MCPH1: variants seen among roughly 807,000 people sequenced by gnomAD.
MCPH1 encodes the protein microcephalin 1.
Under a neutral mutation model 84.5 loss-of-function variants are expected in MCPH1, and 104 were observed. The ratio of observed to expected loss-of-function variants is 1.23; its 90% confidence interval spans 1.05 to 1.45. The LOEUF (loss-of-function observed/expected upper bound fraction) is 1.45, where lower values mean the gene tolerates loss of function less well. Ranked by LOEUF, MCPH1 falls within the 40% of genes most tolerant of loss-of-function variation. The pLI, the probability that MCPH1 is intolerant of heterozygous loss-of-function variation, is 0.00. For missense variants in MCPH1, 1,498 were observed against 1,005.7 expected (o/e 1.49, Z -6.62); for synonymous variants, 514 against 366.8 (o/e 1.40, Z -4.58).
In MCPH1 at chr8:6,406,633, C is replaced by G; in HGVS notation, c.-35C>G. 6.2e-7 allele frequency: 1 copy of G among 1,609,524 alleles called. No individual in the cohort carries two copies. Among genetic ancestry groups the G allele is most frequent in the Non-Finnish European group, 8.5e-7 (1 of 1,178,618 alleles). ...CGCGCGCCGCCAGGCTCGCAAGCAC[C>G]GCGTAGGCCAGCTGGCCGGATCCCG... On this transcript the variant is annotated 5_prime_UTR_variant, in exon 1 of 14. Transcript: ENST00000344683.
At chr8:6,446,569 T>A (rs1804406903) in intron 8 of MCPH1, 1 of 982,826 alleles carries the variant, frequency 1.0e-6, no homozygotes, top group Non-Finnish European at 1.2e-6. Flanking sequence ...GAAACTGTAT[T>A]TTATGTTCCA....
At chr8:6,599,690 G>C (rs1829219039) in intron 12 of MCPH1, among the ~76,000 whole-genome samples, 1 of 152,204 alleles carries the variant, frequency 6.6e-6, no homozygotes, top group African/African-American at 2.4e-5. Context: ...TAGTCTCCTG[G>C]TAGTTTTCCC....
chr8:6,492,741 A>C (rs887234839), intron 11 of MCPH1, among the ~76,000 whole-genome samples: 1 of 148,494 alleles, frequency 6.7e-6, no homozygotes, highest in Non-Finnish European at 1.5e-5. Flanking sequence ...ATAAATATTA[A>C]TAATAATTAT....
chr8:6,443,940 C>G (rs1472575562), intron 7 of MCPH1, among the ~76,000 whole-genome samples: 1 of 152,046 alleles, frequency 6.6e-6, no homozygotes, highest in East Asian at 1.9e-4. Flanking sequence ...CAGTGTAATA[C>G]GAGGACTTTA....
chr8:6,418,536 C>G (rs1433393804), intron 3 of MCPH1, among the ~76,000 whole-genome samples: 1 of 152,062 alleles, frequency 6.6e-6, no homozygotes, highest in East Asian at 1.9e-4. Context: ...TTCTTCTTCC[C>G]TTCAACATTA....
At chr8:6,417,401 AACTTT>A (rs67398897) in intron 3 of MCPH1, among the ~76,000 whole-genome samples, 100,143 of 151,602 alleles carry the variant, frequency 0.66, 36,319 homozygotes, top group Non-Finnish European at 0.79. Flanking sequence ...TGTGGCAGCA[AACTTT>A]ACTTATAAGT....
chr8:6,478,409 A>T (rs916725198), intron 10 of MCPH1, among the ~76,000 whole-genome samples: 1 of 152,242 alleles, frequency 6.6e-6, no homozygotes, highest in African/African-American at 2.4e-5. Flanking sequence ...TCTAATACAG[A>T]AGCGAATATT....
chr8:6,480,581 T>C (rs1809082958), intron 10 of MCPH1, 133 bp from the exon 11 acceptor site: 1 of 872,852 alleles, frequency 1.1e-6, no homozygotes, highest in Non-Finnish European at 1.9e-6. Flanking sequence ...AGTTAAGATA[T>C]ACGTACCATA....
At chr8:6,548,904 T>G (rs1281015643) in intron 12 of MCPH1, among the ~76,000 whole-genome samples, 2 of 152,220 alleles carry the variant, frequency 1.3e-5, no homozygotes, top group African/African-American at 2.4e-5. Context: ...TTTAGCTGCC[T>G]GTTGTATTTC....
intron 12 of MCPH1, chr8:6,500,140 T>C (rs1811864477): frequency 1.8e-6 from 1 of 560,064 alleles, no homozygotes; most frequent in Non-Finnish European, 3.2e-6. Context: ...TAGTGAGGAA[T>C]GCAGTCCAAA....
chr8:6,597,653 A>C, intron 12 of MCPH1, among the ~76,000 whole-genome samples: 1 of 152,162 alleles, frequency 6.6e-6, no homozygotes. Context: ...AGCGCTAGGA[A>C]GGGAGAGGGA....
intron 12 of MCPH1, among the ~76,000 whole-genome samples, chr8:6,589,587 G>A (rs10098407): frequency 0.021 from 3,252 of 152,286 alleles, 116 homozygotes; most frequent in African/African-American, 0.074. Context: ...AGGGTGCTAA[G>A]CTTCAGTGAC....
In MCPH1 at chr8:6,439,372, T is replaced by TA. The variant is rs34298347; in HGVS notation, c.580+285dup. Reference sequence around the variant, plus strand: ...TTGGAATTTTTTCTTTCTTTTTTTTTAAAAAAAAATGAATCATGTCTTTTT... The same window carrying TA: ...TTGGAATTTTTTCTTTCTTTTTTTTTAAAAAAAAAATGAATCATGTCTTTTT... On this transcript the variant is annotated intron_variant, in intron 6 of 13. Transcript: ENST00000344683. 0.65 allele frequency among the ~76,000 whole-genome samples: 94,212 copies of TA among 144,076 alleles called. 33,921 individuals carry two copies. The highest frequency in any genetic ancestry group is 0.82 in the East Asian group (4,024 of 4,928). The allele number at this position is 144,076 out of a possible 152,430, so 94.5% of individuals were successfully genotyped here.
At chr8:6,467,944 C>A (rs1010343537) in intron 9 of MCPH1, among the ~76,000 whole-genome samples, 1 of 152,144 alleles carries the variant, frequency 6.6e-6, no homozygotes. Context: ...GTGTACGTGT[C>A]TGTTTCTCAA....
chr8:6,530,318 G>C (rs1183439780), intron 12 of MCPH1, among the ~76,000 whole-genome samples: 1 of 152,032 alleles, frequency 6.6e-6, no homozygotes, highest in South Asian at 2.1e-4. Context: ...GACCAGCCTG[G>C]CCAACGTGGT....
intron 12 of MCPH1, among the ~76,000 whole-genome samples, chr8:6,583,920 T>C (rs1827778635): frequency 6.6e-6 from 1 of 151,942 alleles, no homozygotes; most frequent in Non-Finnish European, 1.5e-5. Flanking sequence ...ATTTTGCATT[T>C]TTACTACTTT....
intron 11 of MCPH1, among the ~76,000 whole-genome samples, chr8:6,489,764 G>A (rs948100301): frequency 6.6e-6 from 1 of 152,190 alleles, no homozygotes; most frequent in Non-Finnish European, 1.5e-5. Context: ...TCGTCCTAGT[G>A]CTTGGCGATG....
intron 12 of MCPH1, chr8:6,563,384 G>A (rs900042605): frequency 6.5e-6 from 1 of 154,776 alleles, no homozygotes; most frequent in African/African-American, 2.4e-5. Flanking sequence ...GGAAAAATCA[G>A]AGCAGAATGC....
In MCPH1 at chr8:6,542,291, GGTGTGT is replaced by G. The variant is rs59101845; in HGVS notation, c.2214+42377_2214+42382del. Among the ~76,000 whole-genome samples, 4 of 150,046 alleles carry G rather than the reference GGTGTGT, an allele frequency of 2.7e-5. No homozygotes were observed. In the South Asian group the frequency reaches 6.3e-4, roughly 24 times the overall value. ...CATTTGTCTACACATGTGAGGTAGG[GGTGTGT>G]GTGTGTGTGTGTGTATCTGTGTGTG... On this transcript the variant is annotated intron_variant, in intron 12 of 13. Transcript: ENST00000344683.
Sources: allele counts gnomAD v4.1 joint callset (sites outside exome capture counted in the v4.1 genomes callset), GRCh38; gene constraint gnomAD v4.1.1; transcripts MANE v1.5; gene names NCBI Gene and HGNC (gene_info 2026-07-23, HGNC 2026-07-21).